NRDC: variants seen among roughly 807,000 people sequenced by gnomAD.
NRDC encodes nardilysin convertase.
A neutral mutation model predicts 147.1 loss-of-function variants in NRDC; 54 were observed. The ratio of observed to expected loss-of-function variants is 0.37; its 90% CI spans 0.29 to 0.46. NRDC has a LOEUF of 0.46. NRDC is among the 20% of genes least tolerant of loss of function. The pLI is 1.00. For missense variants in NRDC, 1,082 were observed against 1,370.6 expected (o/e 0.79, Z 3.33); for synonymous variants, 440 against 482.1 (o/e 0.91, Z 1.14).
intron 1 of NRDC, among the ~76,000 whole-genome samples, chr1:51,850,172 A>G (rs1348775949): frequency 6.6e-6 from 1 of 151,858 alleles, no homozygotes; most frequent in Non-Finnish European, 1.5e-5. Context: ...GCGAGACTCT[A>G]TCTCAAAAAA....
At chr1:51,815,182 C>CTTT (rs869244434) in intron 11 of NRDC, among the ~76,000 whole-genome samples, 9 of 125,558 alleles carry the variant, frequency 7.2e-5, no homozygotes, top group African/African-American at 1.8e-4. Flanking sequence ...ACCTTTTTTT[C>CTTT]TTTTTTTTTT....
At chr1:51,861,115 A>C (rs1682510765) in intron 1 of NRDC, among the ~76,000 whole-genome samples, 1 of 151,258 alleles carries the variant, frequency 6.6e-6, no homozygotes, top group Non-Finnish European at 1.5e-5. Context: ...ATGCCCAGTT[A>C]ATTTTTGTAT....
intron 1 of NRDC, 128 bp downstream of exon 1, chr1:51,878,147 A>G (rs1316716084): frequency 7.0e-7 from 1 of 1,426,020 alleles, no homozygotes; most frequent in East Asian, 2.4e-5. Context: ...CCTCCACCCA[A>G]GGAAGCATTT....
chr1:51,803,668 T>C, intron 20 of NRDC, 146 bp downstream of exon 20: 2 of 577,820 alleles, frequency 3.5e-6, no homozygotes, highest in Non-Finnish European at 5.8e-6. Context: ...CAGTCACAGT[T>C]AGAATAGCTG....
At chr1:51,800,413 G>T in intron 21 of NRDC, 143 bp downstream of exon 21, 1 of 874,492 alleles carries the variant, frequency 1.1e-6, no homozygotes, top group African/African-American at 1.7e-5. Context: ...GTAACGCTAT[G>T]CACGGGTCTC....
rs766929652 is a variant in NRDC at position 51,803,856 on chromosome 1, A to G, written c.2271T>C (p.His757=). ...ATCCTTTCACTCGAATAATTAAACC[A>G]TGTTCTCCAGCTACCAGTTTATACT... ...QLEYKLVAGE[H]GLIIRVKGFN... is the part of the protein sequence containing the mutation. The change falls in exon 20 of 31, where the codon CAT becomes CAC. Residue 757 remains histidine, a synonymous_variant. Coordinates refer to ENST00000352171, the MANE Select transcript of NRDC (RefSeq NM_001101662.2). The G allele has an allele frequency of 2.5e-6, 4 of 1,613,948 alleles. No individual in the cohort carries two copies. Among genetic ancestry groups the G allele is most frequent in the Non-Finnish European group, 3.4e-6 (4 of 1,179,894 alleles).
chr1:51,871,160 T>C (rs1231132013), intron 1 of NRDC, among the ~76,000 whole-genome samples: 1 of 151,960 alleles, frequency 6.6e-6, no homozygotes, highest in African/African-American at 2.4e-5. Flanking sequence ...CTACTAAAAA[T>C]ACAAAAATAA....
intron 5 of NRDC, among the ~76,000 whole-genome samples, chr1:51,827,347 A>T (rs1680492580): frequency 2.0e-5 from 3 of 152,354 alleles, no homozygotes; most frequent in Non-Finnish European, 4.4e-5. Flanking sequence ...AGCCTAACCT[A>T]TATGAACTGG....
Position 51,816,343 on chromosome 1 carries a change from T to C in NRDC, c.1408A>G (p.Lys470Glu). 1 of 1,601,542 alleles carries C rather than the reference T, an allele frequency of 6.2e-7. No homozygotes were observed. Among genetic ancestry groups the C allele is most frequent in the South Asian group, 1.1e-5 (1 of 88,830 alleles). ...CTAAGGAAAGAAAGAATGCTGCCTTTGCCTTCATGTCCAACCAGCCAGGAT... is the reference window on the plus strand; with the variant it reads ...CTAAGGAAAGAAAGAATGCTGCCTTCGCCTTCATGTCCAACCAGCCAGGAT... ...YISWLVGHEG[K>E]GSILSFLRKK... is the part of the protein sequence containing the mutation. The change falls in exon 11 of 31, where the codon AAA becomes GAA. Residue 470 changes from lysine (K) to glutamate (E), a missense_variant. Transcript: ENST00000352171.
chr1:51,807,510 C>T (rs1384049484), intron 17 of NRDC, among the ~76,000 whole-genome samples: 1 of 152,080 alleles, frequency 6.6e-6, no homozygotes, highest in Non-Finnish European at 1.5e-5. Context: ...AGTTTGAGAC[C>T]AGCCTGGGCA....
In NRDC at chr1:51,840,378, A is replaced by G; in HGVS notation, c.478T>C (p.Ser160Pro). The G allele has an allele frequency of 6.5e-7, 1 of 1,536,288 alleles. No individual in the cohort carries two copies. Among genetic ancestry groups the G allele is most frequent in the South Asian group, 1.1e-5 (1 of 89,116 alleles). Reference sequence around the variant, plus strand: ...TCGTCATCTTCTATTTCAGCTCCAGAATCTTCATCATCATCTTCTTCTTCT... The same window carrying G: ...TCGTCATCTTCTATTTCAGCTCCAGGATCTTCATCATCATCTTCTTCTTCT... ...EEEEEDDDED[S>P]GAEIEDDDEE... The change falls in exon 2 of 31, where the codon TCT becomes CCT. Residue 160 changes from serine (S) to proline (P), a missense_variant. Ser to Pro is a moderately conservative substitution (Grantham distance 74, BLOSUM62 -1). Coordinates refer to ENST00000352171, the MANE Select transcript of NRDC (RefSeq NM_001101662.2).
At chr1:51,819,773 A>G in intron 9 of NRDC, 27 bp downstream of exon 9, 1 of 1,551,058 alleles carries the variant, frequency 6.4e-7, no homozygotes, top group Non-Finnish European at 8.8e-7. Flanking sequence ...ATTATTTCAA[A>G]CAGTTTTAAA....
intron 19 of NRDC, among the ~76,000 whole-genome samples, 197 bp downstream of exon 19, chr1:51,805,313 G>A (rs2149196314): frequency 6.6e-6 from 1 of 152,284 alleles, no homozygotes; most frequent in African/African-American, 2.4e-5. Context: ...ATGGGTGCTG[G>A]TAATGGAGCA....
chr1:51,858,606 A>C (rs975480907), intron 1 of NRDC, among the ~76,000 whole-genome samples: 2 of 152,204 alleles, frequency 1.3e-5, no homozygotes, highest in African/African-American at 4.8e-5. Flanking sequence ...TAAAATGTTG[A>C]TAAAATGTAA....
intron 4 of NRDC, among the ~76,000 whole-genome samples, chr1:51,829,900 A>G (rs958508099): frequency 4.0e-5 from 6 of 150,588 alleles, no homozygotes; most frequent in African/African-American, 1.2e-4. Context: ...CATTTTACAA[A>G]TTTCCTAGGT....
intron 1 of NRDC, among the ~76,000 whole-genome samples, chr1:51,867,952 T>G (rs2124113662): frequency 6.6e-6 from 1 of 152,318 alleles, no homozygotes; most frequent in South Asian, 2.1e-4. Context: ...CATATTTGTA[T>G]GCTCCCGGGG....
Position 51,794,605 on chromosome 1 carries a change from A to C in NRDC, c.2642T>G (p.Leu881Arg). 1 of 1,614,156 alleles carries C rather than the reference A, an allele frequency of 6.2e-7. No homozygotes were observed. ...CTCCTGCTCCAGAGGCTTGAAGTTT[A>C]GTTTGCTGCAAGAGAATCAGTATGG... ...MDFLKYVVDK[L>R]NFKPLEQEMP... Residue 881 changes from leucine to arginine, a missense_variant, in exon 24 of 31, where the codon CTA (leucine) becomes CGA (arginine). Coordinates refer to ENST00000352171, the MANE Select transcript of NRDC (RefSeq NM_001101662.2).
intron 30 of NRDC, 35 bp from the exon 31 acceptor site, chr1:51,789,468 C>T: frequency 6.2e-7 from 1 of 1,609,740 alleles, no homozygotes; most frequent in Non-Finnish European, 8.5e-7. Flanking sequence ...GAAAAATATG[C>T]TGACCAGATT....
intron 5 of NRDC, 35 bp downstream of exon 5, chr1:51,827,761 A>G: frequency 2.6e-6 from 4 of 1,552,472 alleles, no homozygotes; most frequent in Non-Finnish European, 2.7e-6. Context: ...TCATGAAGGA[A>G]AAAACTGTAG....
Sources: allele counts gnomAD v4.1 joint callset (sites outside exome capture counted in the v4.1 genomes callset), GRCh38; gene constraint gnomAD v4.1.1; transcripts MANE v1.5; gene names NCBI Gene and HGNC (gene_info 2026-07-23, HGNC 2026-07-21).